The following PDE1C variants were observed in gnomAD, a reference collection of about 807,000 sequenced individuals.
The protein encoded by PDE1C is dual specificity calcium/calmodulin-dependent 3',5'-cyclic nucleotide phosphodiesterase 1C.
Under a neutral mutation model 93.1 loss-of-function variants are expected in PDE1C, and 62 were observed. The ratio of observed to expected loss-of-function variants is 0.67; its 90% CI spans 0.54 to 0.82. The LOEUF (loss-of-function observed/expected upper bound fraction) is 0.82. PDE1C is among the 40% of genes least tolerant of loss of function. The probability of loss-of-function intolerance (pLI) is 0.00; values close to 1 mark genes in which losing one functional copy is unlikely to be tolerated. For synonymous variants in PDE1C, 325 were observed against 310.1 expected (o/e 1.05, Z -0.50); for missense variants, 742 against 884.6 (o/e 0.84, Z 2.04).
At chr7:32,228,872 A>G (rs1340758072) in intron 1 of PDE1C, among the ~76,000 whole-genome samples, 1 of 152,024 alleles carries the variant, frequency 6.6e-6, no homozygotes, top group East Asian at 1.9e-4. Flanking sequence ...CCTCACAACC[A>G]TGATGCCACT....
At chr7:31,725,856 T>C in the PDE1C span, among the ~76,000 whole-genome samples, 1 of 152,204 alleles carries the variant, frequency 6.6e-6, no homozygotes, top group African/African-American at 2.4e-5. Flanking sequence ...TCTTACTAGA[T>C]TTAGAGTTAT....
At chr7:32,005,841 G>A (rs949397119) in intron 2 of PDE1C, among the ~76,000 whole-genome samples, 2 of 152,078 alleles carry the variant, frequency 1.3e-5, no homozygotes, top group African/African-American at 2.4e-5. Context: ...ATTTTAAACA[G>A]GTTTTGTACA....
chr7:31,785,336 T>G (rs1437310628), intron 16 of PDE1C: 5 of 152,192 alleles, frequency 3.3e-5, no homozygotes, highest in Admixed American at 3.3e-4. Context: ...TTCTCCTGGC[T>G]GAGCAGATGG....
chr7:32,305,699 G>A (rs145699682), intron 1 of PDE1C, among the ~76,000 whole-genome samples: 13 of 152,262 alleles, frequency 8.5e-5, no homozygotes, highest in African/African-American at 2.6e-4. Flanking sequence ...CATCTGACTC[G>A]TTAGAGTTTC....
At chr7:32,167,130 T>C (rs1210922869) in intron 3 of PDE1C, among the ~76,000 whole-genome samples, 1 of 152,136 alleles carries the variant, frequency 6.6e-6, no homozygotes, top group African/African-American at 2.4e-5. Flanking sequence ...CATTGATAAA[T>C]TTATAAACAC....
chr7:32,239,569 C>A (rs913204211), intron 1 of PDE1C, among the ~76,000 whole-genome samples: 1 of 152,138 alleles, frequency 6.6e-6, no homozygotes, highest in Non-Finnish European at 1.5e-5. Context: ...AGGCAACTCA[C>A]AAAAGTGGAA....
At chr7:31,950,352 C>T (rs1039899011) in intron 2 of PDE1C, among the ~76,000 whole-genome samples, 1 of 152,176 alleles carries the variant, frequency 6.6e-6, no homozygotes, top group African/African-American at 2.4e-5. Flanking sequence ...GAAACACACT[C>T]TTACAGCCCA....
the PDE1C span, chr7:31,655,951 G>T: frequency 1.0e-6 from 1 of 985,358 alleles, no homozygotes. Flanking sequence ...TCATCCCTCA[G>T]ATGAATCTCC....
chr7:31,924,512 A>G (rs890851130), intron 2 of PDE1C, among the ~76,000 whole-genome samples: 2 of 152,236 alleles, frequency 1.3e-5, no homozygotes, highest in African/African-American at 2.4e-5. Context: ...GACTGGCACA[A>G]ATAAATCTCT....
At chr7:32,142,034 TG>T (rs1311399221) in intron 3 of PDE1C, among the ~76,000 whole-genome samples, 4 of 152,094 alleles carry the variant, frequency 2.6e-5, no homozygotes, top group African/African-American at 9.7e-5. Context: ...GCTGACTCTG[TG>T]CACTTACACC....
chr7:32,321,287 A>G (rs1416730391), intron 1 of PDE1C, among the ~76,000 whole-genome samples: 1 of 152,246 alleles, frequency 6.6e-6, no homozygotes, highest in Non-Finnish European at 1.5e-5. Flanking sequence ...ACAAAAACAC[A>G]GCGCAGATGA....
Position 31,752,226 on chromosome 7 carries a change from T to C in PDE1C, c.*1158A>G, listed in dbSNP as rs1412432746. 3 of 152,144 alleles carry C rather than the reference T, an allele frequency of 2.0e-5. No individual in the cohort carries two copies. Among genetic ancestry groups the C allele is most frequent in the Non-Finnish European group, 4.4e-5 (3 of 68,020 alleles). The allele number at this position is 152,144 out of a possible 1,614,324, so 9.4% of individuals were successfully genotyped here. A position where few individuals can be genotyped will look rare whatever the true frequency, so the allele number is the denominator to read the frequency against. ...CTGCACCAGGCTATTTCTGAAGAGA[T>C]TGAAAGCTATCTCTAGTCTTGAGCC... On this transcript the variant is annotated 3_prime_UTR_variant, in exon 18 of 18. Coordinates refer to ENST00000396191, the MANE Select transcript of PDE1C (RefSeq NM_001191057.4).
chr7:31,880,688 G>C, intron 3 of PDE1C, 59 bp downstream of exon 3: 1 of 978,882 alleles, frequency 1.0e-6, no homozygotes, highest in Non-Finnish European at 1.6e-6. Flanking sequence ...TTTCAGAAAA[G>C]CCATTTAAGA....
chr7:31,733,767 G>T, the PDE1C span, among the ~76,000 whole-genome samples: 1 of 152,236 alleles, frequency 6.6e-6, no homozygotes, highest in African/African-American at 2.4e-5. Context: ...GGCTGAGGAG[G>T]GTGGGTCAAC....
intron 16 of PDE1C, among the ~76,000 whole-genome samples, chr7:31,794,041 TAGACAGACAGACAGACAGACAGAC>T (rs71559203): frequency 6.7e-5 from 6 of 89,546 alleles, no homozygotes; most frequent in African/African-American, 2.2e-4. Context: ...GATAGATAGA[TAGACAGACAGACAGACAGACAGAC>T]AGACAGACAG....
At chr7:32,374,834 C>T (rs1323279224) in intron 1 of PDE1C, among the ~76,000 whole-genome samples, 2 of 152,132 alleles carry the variant, frequency 1.3e-5, no homozygotes, top group Non-Finnish European at 2.9e-5. Context: ...TCTGATATTA[C>T]AAGAATTCAA....
At chr7:32,250,673 A>G (rs528366595) in intron 1 of PDE1C, among the ~76,000 whole-genome samples, 1 of 152,240 alleles carries the variant, frequency 6.6e-6, no homozygotes, top group Non-Finnish European at 1.5e-5. Context: ...CACTCAGCTC[A>G]GAAGCAACAG....
At chr7:31,750,872 G>C (rs989155927), downstream of PDE1C, among the ~76,000 whole-genome samples, 5 of 152,172 alleles carry the variant, frequency 3.3e-5, no homozygotes, top group Non-Finnish European at 7.3e-5. Flanking sequence ...GCTGCGCAAA[G>C]TCCCAATTCT....
At chr7:32,281,306 C>T (rs987638813) in intron 1 of PDE1C, among the ~76,000 whole-genome samples, 7 of 152,116 alleles carry the variant, frequency 4.6e-5, no homozygotes, top group Admixed American at 3.3e-4. Context: ...AACATCTGAA[C>T]ATAAACAAGG....
Sources: gnomAD v4.1 joint callset for allele counts (sites outside exome capture counted in the v4.1 genomes callset) on GRCh38, gnomAD v4.1.1 for gene constraint, MANE v1.5 for transcripts, NCBI Gene and HGNC (gene_info 2026-07-23, HGNC 2026-07-21) for gene names.